The following MEGF11 variants were observed in gnomAD, a reference collection of about 807,000 sequenced individuals.
MEGF11 encodes multiple EGF like domains 11.
Under a neutral mutation model 146.6 loss-of-function variants are expected in MEGF11, and 126 were observed. The observed-to-expected ratio is 0.86, with a 90% CI of 0.74 to 1.00. The LOEUF (loss-of-function observed/expected upper bound fraction) is 1.00. Ranked by LOEUF, MEGF11 falls within the 50% of genes least tolerant of loss-of-function variation. The pLI is 0.00. For synonymous variants in MEGF11, 532 were observed against 583.4 expected, an observed-to-expected ratio of 0.91 and a Z score of 1.27; for missense variants, 1,509 against 1,521.2, an observed-to-expected ratio of 0.99 and a Z score of 0.13.
chr15:66,182,957 G>A (rs1477171104), intron 1 of MEGF11, among the ~76,000 whole-genome samples: 1 of 152,150 alleles, frequency 6.6e-6, no homozygotes, highest in Non-Finnish European at 1.5e-5. Context: ...ACACTATGGA[G>A]AACTCACCAT....
intron 1 of MEGF11, among the ~76,000 whole-genome samples, chr15:66,211,990 CT>C (rs2140131230): frequency 6.6e-6 from 1 of 152,232 alleles, no homozygotes; most frequent in Non-Finnish European, 1.5e-5. Flanking sequence ...ACCAGAATTT[CT>C]CTCAAAAGCA....
chr15:66,037,794 G>A (rs2083783263), intron 5 of MEGF11, among the ~76,000 whole-genome samples: 1 of 152,184 alleles, frequency 6.6e-6, no homozygotes, highest in African/African-American at 2.4e-5. Context: ...CCAGCAGTAG[G>A]AACAATGTCC....
At chr15:65,898,668 T>G (rs1459010205) in intron 25 of MEGF11, 60 bp downstream of exon 25, 2 of 1,601,396 alleles carry the variant, frequency 1.2e-6, no homozygotes, top group African/African-American at 1.3e-5. Flanking sequence ...GGGCTTGCTT[T>G]TACTTCAAAT....
intron 5 of MEGF11, among the ~76,000 whole-genome samples, chr15:66,008,124 C>G (rs1285790947): frequency 2.6e-5 from 4 of 152,196 alleles, no homozygotes; most frequent in Non-Finnish European, 5.9e-5. Flanking sequence ...GAACCACACA[C>G]TTCACTGTGG....
chr15:66,122,972 A>G (rs1378319577), intron 3 of MEGF11, among the ~76,000 whole-genome samples: 3 of 151,968 alleles, frequency 2.0e-5, no homozygotes, highest in Middle Eastern at 3.4e-3. Context: ...TTTAGTAGAG[A>G]CGGGGTTTCA....
intron 24 of MEGF11, among the ~76,000 whole-genome samples, chr15:65,903,280 C>T (rs1000777325): frequency 1.3e-5 from 2 of 152,028 alleles, no homozygotes; most frequent in African/African-American, 2.4e-5. Flanking sequence ...ATCATAAAGG[C>T]GATGGAGAAT....
intron 19 of MEGF11, 56 bp downstream of exon 19, chr15:65,915,414 A>G (rs1269151189): frequency 1.2e-5 from 19 of 1,594,508 alleles, no homozygotes; most frequent in Non-Finnish European, 1.2e-5. Context: ...GAATCTCCCT[A>G]GAGCTGCCAT....
At chr15:66,252,452 T>C (rs1382943446) in intron 1 of MEGF11, among the ~76,000 whole-genome samples, 2 of 152,098 alleles carry the variant, frequency 1.3e-5, no homozygotes, top group Non-Finnish European at 2.9e-5. Context: ...CTTTGAAATA[T>C]TTTTCCGGAG....
chr15:66,119,173 T>C lies in MEGF11; in HGVS notation c.214A>G (p.Thr72Ala), dbSNP rs1290983204. Residue 72 changes from threonine (T) to alanine (A), a missense_variant, in exon 4 of 26, where the codon ACG becomes GCG. Thr to Ala is a moderately conservative substitution (Grantham distance 58). Transcript: ENST00000395614. ...KCTRHRISYK[T>A]AYRRGLRTMY... is the part of the protein sequence containing the mutation. ...GTCCGGAGGCCTCTCCGATACGCCG[T>C]CTTATAACTGATCCTAAGGCACAAG... 2 of 1,551,210 alleles carry C rather than the reference T, an allele frequency of 1.3e-6. No homozygotes were observed. Among genetic ancestry groups the C allele is most frequent in the East Asian group, 4.9e-5 (2 of 40,918 alleles).
chr15:66,119,020 C>G lies in MEGF11; in HGVS notation c.301+66G>C, dbSNP rs2087874938. On this transcript the variant is annotated intron_variant, in intron 4 of 25. Transcript: ENST00000395614. ...GTGGATATCAGCCCCACCTCCCCTC[C>G]CCTCCCCTCCTTTTGCCTCTCCTCC... The G allele has an allele frequency of 8.2e-6, 9 of 1,097,472 alleles. No individual in the cohort carries two copies. In the South Asian group the frequency reaches 1.1e-4, roughly 13 times the overall value. The allele number at this position is 1,097,472 out of a possible 1,614,324, so 68.0% of individuals were successfully genotyped here.
intron 1 of MEGF11, among the ~76,000 whole-genome samples, chr15:66,200,791 T>C (rs1248054436): frequency 6.6e-6 from 1 of 152,034 alleles, no homozygotes; most frequent in African/African-American, 2.4e-5. Context: ...GTGGGCCGGG[T>C]ATGAGCAAGC....
rs184750370 is a variant in MEGF11 at position 65,996,233 on chromosome 15, G to A, written c.395-13745C>T. 2.3e-3 allele frequency among the ~76,000 whole-genome samples: 346 copies of A among 152,308 alleles called. 1 individual carries two copies. The highest frequency in any genetic ancestry group is 0.011 in the Admixed American group (174 of 15,298). ...CTCTCAGAGTCACCTGGGGAAATCC[G>A]TAGGGCAGGGATGAGAAGAGCACGT... On this transcript the variant is annotated intron_variant, in intron 5 of 25. Transcript: ENST00000395614.
intron 19 of MEGF11, 28 bp downstream of exon 19, chr15:65,915,442 C>T (rs745321347): frequency 7.4e-6 from 12 of 1,610,920 alleles, no homozygotes; most frequent in Admixed American, 1.7e-5. Flanking sequence ...TTTCCACAGA[C>T]CCCGGGGCTC....
At chr15:65,965,613 C>CTTTTTTTTTTTTT (rs1186551497) in intron 8 of MEGF11, among the ~76,000 whole-genome samples, 3 of 53,522 alleles carry the variant, frequency 5.6e-5, no homozygotes, top group African/African-American at 1.6e-4. Flanking sequence ...TTTTTTTTTT[C>CTTTTTTTTTTTTT]TTTTTTTTTT....
intron 1 of MEGF11, among the ~76,000 whole-genome samples, chr15:66,235,970 C>G (rs562002684): frequency 2.6e-5 from 4 of 152,246 alleles, no homozygotes; most frequent in African/African-American, 9.6e-5. Context: ...GCTCTCACTA[C>G]AGTGTTGAGT....
intron 5 of MEGF11, among the ~76,000 whole-genome samples, chr15:66,073,959 CT>C (rs2085474081): frequency 6.6e-6 from 1 of 152,220 alleles, no homozygotes; most frequent in African/African-American, 2.4e-5. Flanking sequence ...TGCATATGGA[CT>C]GTTTCATGTA....
chr15:65,983,961 A>T (rs2081752792), intron 5 of MEGF11, among the ~76,000 whole-genome samples: 1 of 152,192 alleles, frequency 6.6e-6, no homozygotes, highest in African/African-American at 2.4e-5. Flanking sequence ...CCAGTCCCCG[A>T]CATGTCCCTC....
chr15:65,948,550 C>A lies in MEGF11; in HGVS notation c.1287+8997G>T, dbSNP rs989189305. Among the ~76,000 whole-genome samples, 3 of 152,156 alleles carry A rather than the reference C, an allele frequency of 2.0e-5. 1 individual carries two copies. Among genetic ancestry groups the A allele is most frequent in the Non-Finnish European group, 4.4e-5 (3 of 68,038 alleles). On this transcript the variant is annotated intron_variant, in intron 10 of 25. Transcript: ENST00000395614. ...CTGAGTGACAGATGTGGGATTCCAA[C>A]CCAGGACTGTCTGATTCCAAAGTCC...
intron 5 of MEGF11, among the ~76,000 whole-genome samples, chr15:65,999,047 CTTTTTTT>C (rs35982125): frequency 6.9e-6 from 1 of 143,954 alleles, no homozygotes; most frequent in Non-Finnish European, 1.5e-5. Context: ...GGTGTCACTT[CTTTTTTT>C]TTTTTTTTAA....
Sources: allele counts gnomAD v4.1 joint callset (sites outside exome capture counted in the v4.1 genomes callset), GRCh38; gene constraint gnomAD v4.1.1; transcripts MANE v1.5; gene names NCBI Gene and HGNC (gene_info 2026-07-23, HGNC 2026-07-21).